SRSF10: variants seen among roughly 807,000 people sequenced by gnomAD.
SRSF10 encodes serine/arginine-rich splicing factor 10.
Under a neutral mutation model 32.6 loss-of-function variants are expected in SRSF10, and 9 were observed. The observed-to-expected ratio is 0.28, with a 90% CI of 0.17 to 0.48. The LOEUF is 0.48. SRSF10 is among the 20% of genes least tolerant of loss of function. The probability of loss-of-function intolerance (pLI) is 0.99; values close to 1 mark genes in which losing one functional copy is unlikely to be tolerated. For synonymous variants in SRSF10, 105 were observed against 112.4 expected, an observed-to-expected ratio of 0.93 and a Z score of 0.42; for missense variants, 201 against 331.8, an observed-to-expected ratio of 0.61 and a Z score of 3.06.
Position 23,969,980 on chromosome 1 carries a change from G to A in SRSF10, c.*1162C>T. The A allele has an allele frequency of 1.0e-6, 1 of 985,378 alleles. No homozygotes were observed. Among genetic ancestry groups the A allele is most frequent in the Non-Finnish European group, 1.2e-6 (1 of 829,928 alleles). 61.0% of individuals were successfully genotyped at this position (985,378 alleles called of 1,614,324 possible). A position where few individuals can be genotyped will look rare whatever the true frequency, so the allele number is the denominator to read the frequency against. ...GATACAAATGCACGAGCCAAGTGCT[G>A]TAAGCATCAAAATTTCAGTTCTTTT... is the stretch of plus-strand genomic sequence containing the variant. On this transcript the variant is annotated 3_prime_UTR_variant, in exon 6 of 6. Transcript: ENST00000492112.
intron 3 of SRSF10, among the ~76,000 whole-genome samples, chr1:23,974,487 G>T (rs1641963278): frequency 6.6e-6 from 1 of 152,048 alleles, no homozygotes; most frequent in Non-Finnish European, 1.5e-5. Context: ...TTACAATCTG[G>T]AACACATGAT....
At chr1:23,974,603 T>TG in intron 3 of SRSF10, among the ~76,000 whole-genome samples, 1 of 151,770 alleles carries the variant, frequency 6.6e-6, no homozygotes. Flanking sequence ...CTGAGGCAGG[T>TG]GGATCACCTG....
intron 3 of SRSF10, 135 bp downstream of exon 3, chr1:23,974,839 A>C (rs1459602856): frequency 2.8e-6 from 2 of 725,802 alleles, no homozygotes; most frequent in Non-Finnish European, 4.7e-6. Context: ...TCTCAAAAAA[A>C]AAAAAGAAAG....
chr1:23,974,936 A>C, intron 3 of SRSF10, 38 bp downstream of exon 3: 1 of 1,426,302 alleles, frequency 7.0e-7, no homozygotes. Context: ...AACACTAAAA[A>C]ATAATGTTTC....
At chr1:23,979,925 G>A (rs527464780) in intron 1 of SRSF10, among the ~76,000 whole-genome samples, 5 of 152,072 alleles carry the variant, frequency 3.3e-5, no homozygotes, top group Non-Finnish European at 7.4e-5. Context: ...GCGCCGGCAG[G>A]AAGCAGGGAG....
chr1:23,971,497 AT>A, intron 5 of SRSF10, 58 bp from the exon 6 acceptor site: 1 of 1,588,304 alleles, frequency 6.3e-7, no homozygotes, highest in Non-Finnish European at 8.5e-7. Context: ...TATTAATCAA[AT>A]TTGTTATTTT....
chr1:23,975,132 G>A, intron 2 of SRSF10, 55 bp from the exon 3 acceptor site: 1 of 1,350,110 alleles, frequency 7.4e-7, no homozygotes, highest in East Asian at 2.3e-5. Context: ...ATGAATGAAA[G>A]TTCAGTTGGT....
chr1:23,980,070 G>C, intron 1 of SRSF10, 121 bp downstream of exon 1: 1 of 1,137,394 alleles, frequency 8.8e-7, no homozygotes, highest in Non-Finnish European at 1.2e-6. Flanking sequence ...CGCCAAAGCG[G>C]GCGCGGGACC....
chr1:23,978,966 T>C (rs898532283), intron 1 of SRSF10, 149 bp from the exon 2 acceptor site: 6 of 552,260 alleles, frequency 1.1e-5, no homozygotes, highest in South Asian at 3.2e-5. Flanking sequence ...CAGACATATG[T>C]ATGGTACAAG....
In SRSF10 at chr1:23,965,205, G is replaced by C. The variant is rs1296909277; in HGVS notation, c.*5937C>G. The C allele has an allele frequency of 6.6e-6, 1 of 151,972 alleles. No individual in the cohort carries two copies. Among genetic ancestry groups the C allele is most frequent in the African/African-American group, 2.4e-5 (1 of 41,442 alleles). The allele number at this position is 151,972 out of a possible 1,614,324, so 9.4% of individuals were successfully genotyped here. On this transcript the variant is annotated 3_prime_UTR_variant, in exon 6 of 6. Coordinates refer to ENST00000492112, the MANE Select transcript of SRSF10 (RefSeq NM_054016.4). The stretch of plus-strand genomic sequence containing the variant: ...TCATGCCTAGGATAGGCTAACTATA[G>C]GCTTTGCTAGTCCTCCTTCCTAATA...
Position 23,967,468 on chromosome 1 carries a change from T to C in SRSF10, c.*3674A>G. 4.1e-6 allele frequency: 2 copies of C among 487,510 alleles called. No homozygotes were observed. The highest frequency in any genetic ancestry group is 7.4e-6 in the Non-Finnish European group (2 of 271,916). The allele number at this position is 487,510 out of a possible 1,614,324, so 30.2% of individuals were successfully genotyped here. On this transcript the variant is annotated 3_prime_UTR_variant, in exon 6 of 6. Transcript: ENST00000492112. ...GGGATTAGTTTCCACAAGTACAAAG[T>C]TGAATTTCCTTTTATTTGTCCTAAA...
chr1:23,967,905 C>CT lies in SRSF10; in HGVS notation c.*3236dup. On this transcript the variant is annotated 3_prime_UTR_variant, in exon 6 of 6. Transcript: ENST00000492112. ...TAACAGCTCATACTCTATGTAGCAC[C>CT]TTTCCTCTCTCACTGAAGCATTATC... The CT allele has an allele frequency of 3.2e-6, 5 of 1,548,028 alleles. No homozygotes were observed. The highest frequency in any genetic ancestry group is 4.4e-6 in the Non-Finnish European group (5 of 1,146,444).
chr1:23,976,442 G>C (rs1642096565), intron 2 of SRSF10: 1 of 152,242 alleles, frequency 6.6e-6, no homozygotes, highest in African/African-American at 2.4e-5. Flanking sequence ...AAAAGGGAAA[G>C]GCTGATGGGG....
In SRSF10 at chr1:23,971,544, T is replaced by C. The variant is rs1641752211; in HGVS notation, c.491+29A>G. The C allele has an allele frequency of 1.4e-5, 22 of 1,601,978 alleles. 1 individual carries two copies. The Middle Eastern group carries it at 1.3e-3, about 92-fold the overall frequency. On this transcript the variant is annotated intron_variant, in intron 5 of 5. Transcript: ENST00000492112. ...GTTCACTCTGAAATTAAAAAATACATGAGTCTTTTTCAAAGCAAAGTTATT... is the reference window on the plus strand; with the variant it reads ...GTTCACTCTGAAATTAAAAAATACACGAGTCTTTTTCAAAGCAAAGTTATT...
At chr1:23,980,091 A>C (rs1570799761) in intron 1 of SRSF10, 100 bp downstream of exon 1, 1 of 1,308,116 alleles carries the variant, frequency 7.6e-7, no homozygotes, top group Non-Finnish European at 1.0e-6. Context: ...CGCCATCTTC[A>C]CTCCGTCCCC....
Position 23,979,157 on chromosome 1 carries a change from A to C in SRSF10, c.66-340T>G, listed in dbSNP as rs1224793513. On this transcript the variant is annotated intron_variant, in intron 1 of 5. Coordinates refer to ENST00000492112, the MANE Select transcript of SRSF10 (RefSeq NM_054016.4). ...ACTCCCCAATTTTAGCGACAGATTT[A>C]CACACTTAACAGTAGATAAATATGG... Among the ~76,000 whole-genome samples, 3 of 151,228 alleles carry C rather than the reference A, an allele frequency of 2.0e-5. No homozygotes were observed. The East Asian group carries it at 5.8e-4, about 29-fold the overall frequency.
intron 3 of SRSF10, 88 bp downstream of exon 3, chr1:23,974,886 A>G: frequency 1.0e-6 from 1 of 1,002,374 alleles, no homozygotes; most frequent in Non-Finnish European, 1.5e-6. Flanking sequence ...GGTTTTGAAC[A>G]GAAACACAAA....
rs1006539049 is a variant in SRSF10 at position 23,967,982 on chromosome 1, A to C, written c.*3160T>G. Reference sequence around the variant, plus strand: ...CTTCAAAAAAAAAAAAAAAATGCAGAGAGATCTTAAGTAAAAGGAGAGGTG... The same window carrying C: ...CTTCAAAAAAAAAAAAAAAATGCAGCGAGATCTTAAGTAAAAGGAGAGGTG... On this transcript the variant is annotated 3_prime_UTR_variant, in exon 6 of 6. Transcript: ENST00000492112. 4 of 1,536,708 alleles carry C rather than the reference A, an allele frequency of 2.6e-6. No homozygotes were observed. In the South Asian group the frequency reaches 4.8e-5, roughly 18 times the overall value.
chr1:23,978,902 T>C (rs1329296094), intron 1 of SRSF10, 85 bp from the exon 2 acceptor site: 2 of 1,254,314 alleles, frequency 1.6e-6, no homozygotes, highest in Non-Finnish European at 2.2e-6. Context: ...GAAGGAAAGC[T>C]AGGATCCAAG....
Sources: gnomAD v4.1 joint callset for allele counts (sites outside exome capture counted in the v4.1 genomes callset) on GRCh38, gnomAD v4.1.1 for gene constraint, MANE v1.5 for transcripts, NCBI Gene and HGNC (gene_info 2026-07-23, HGNC 2026-07-21) for gene names.